Variants in PPM1H observed in about 807,000 individuals in gnomAD.
PPM1H encodes protein phosphatase 1H.
A neutral mutation model predicts 54.9 loss-of-function variants in PPM1H; 27 were observed. That is an observed-to-expected ratio of 0.49 (90% CI 0.36 to 0.68). PPM1H has a LOEUF of 0.68. PPM1H is among the 30% of genes least tolerant of loss of function. PPM1H has a pLI of 0.00. For synonymous variants in PPM1H, 305 were observed against 270.8 expected, an observed-to-expected ratio of 1.13 and a Z score of -1.24; for missense variants, 596 against 667.8, an observed-to-expected ratio of 0.89 and a Z score of 1.19.
intron 4 of PPM1H, among the ~76,000 whole-genome samples, chr12:62,750,979 C>G (rs2076439553): frequency 6.6e-6 from 1 of 152,236 alleles, no homozygotes; most frequent in South Asian, 2.1e-4. Context: ...TTCCCCAGCA[C>G]AAATGTATAC....
chr12:62,801,897 G>C lies in PPM1H; in HGVS notation c.675C>G (p.Pro225=). ...GVGAPGSPST[P]PTRFFTEKKI... Reference sequence around the variant, plus strand: ...TCTTCTCGGTAAAGAAGCGTGTGGGGGGCGTGCTGGGGGAGCCCGGGGCCC... The same window carrying C: ...TCTTCTCGGTAAAGAAGCGTGTGGGCGGCGTGCTGGGGGAGCCCGGGGCCC... The change falls in exon 3 of 10, where the codon CCC becomes CCG. Residue 225 remains proline (P), a synonymous_variant. Coordinates refer to ENST00000228705, the MANE Select transcript of PPM1H (RefSeq NM_020700.2). 1 of 1,613,788 alleles carries C rather than the reference G, an allele frequency of 6.2e-7. No homozygotes were observed. The highest frequency in any genetic ancestry group is 1.1e-5 in the South Asian group (1 of 91,090).
intron 1 of PPM1H, among the ~76,000 whole-genome samples, chr12:62,850,537 A>C (rs1015129653): frequency 6.6e-6 from 1 of 151,498 alleles, no homozygotes; most frequent in African/African-American, 2.4e-5. Flanking sequence ...AAAAATCTAA[A>C]GAGGAAAACT....
intron 1 of PPM1H, among the ~76,000 whole-genome samples, chr12:62,902,437 T>G (rs139149367): frequency 2.7e-4 from 41 of 152,228 alleles, no homozygotes; most frequent in Non-Finnish European, 4.7e-4. Context: ...TTAAAACAGT[T>G]TACAAAGTTG....
intron 1 of PPM1H, among the ~76,000 whole-genome samples, chr12:62,890,862 C>A (rs1008389222): frequency 1.3e-5 from 2 of 152,038 alleles, no homozygotes; most frequent in Non-Finnish European, 2.9e-5. Context: ...GTAACCCCAG[C>A]ACTTTGGGAG....
At chr12:62,768,719 G>A (rs952158732) in intron 4 of PPM1H, among the ~76,000 whole-genome samples, 9 of 152,054 alleles carry the variant, frequency 5.9e-5, no homozygotes, top group South Asian at 2.1e-4. Context: ...CTTTGAGTAT[G>A]TTTGCAGGCA....
At chr12:62,922,525 C>A (rs771677739) in intron 1 of PPM1H, among the ~76,000 whole-genome samples, 8 of 152,070 alleles carry the variant, frequency 5.3e-5, no homozygotes, top group Non-Finnish European at 1.0e-4. Flanking sequence ...TAATAATCAT[C>A]CAGAGCTACA....
At position 62,804,666 on chromosome 12, in the gene PPM1H, C is replaced by CTTTTTTTTTTTTT. The variant is rs1162966258; in HGVS notation, c.412-2507_412-2506insAAAAAAAAAAAAA. On this transcript the variant is annotated intron_variant, in intron 2 of 9. Coordinates refer to ENST00000228705, the MANE Select transcript of PPM1H (RefSeq NM_020700.2). Reference sequence around the variant, plus strand: ...TTTAATGCTTCATTTTGGTTAATTTCTTTTTTTTTCTTTTTTTTTTTTTTT... The same window carrying CTTTTTTTTTTTTT: ...TTTAATGCTTCATTTTGGTTAATTTCTTTTTTTTTTTTTTTTTTTTTTCTTTTTTTTTTTTTTT... Among the ~76,000 whole-genome samples, 2 of 134,282 alleles carry CTTTTTTTTTTTTT rather than the reference C, an allele frequency of 1.5e-5. 1 individual carries two copies. The highest frequency in any genetic ancestry group is 5.9e-5 in the African/African-American group (2 of 34,030). 88.1% of individuals were successfully genotyped at this position (134,282 alleles called of 152,430 possible).
In PPM1H at chr12:62,646,308, A is replaced by C. The variant is rs1225538731; in HGVS notation, c.*2181T>G. ...TGAGTAGAAGGTAGTTGTGACATCT[A>C]CACCCAAATTCTTACTCTGGTGGCT... is the stretch of plus-strand genomic sequence containing the variant. On this transcript the variant is annotated 3_prime_UTR_variant, in exon 10 of 10. Coordinates refer to ENST00000228705, the MANE Select transcript of PPM1H (RefSeq NM_020700.2). 1 of 152,202 alleles carries C rather than the reference A, an allele frequency of 6.6e-6. No individual in the cohort carries two copies. Among genetic ancestry groups the C allele is most frequent in the Non-Finnish European group, 1.5e-5 (1 of 68,038 alleles). The allele number at this position is 152,202 out of a possible 1,614,324, so 9.4% of individuals were successfully genotyped here. A position where few individuals can be genotyped will look rare whatever the true frequency, so the allele number is the denominator to read the frequency against.
chr12:62,856,500 T>C (rs914904958), intron 1 of PPM1H, among the ~76,000 whole-genome samples: 1 of 152,206 alleles, frequency 6.6e-6, no homozygotes. Flanking sequence ...GTACATCCAA[T>C]GTATTACTGT....
At chr12:62,860,742 T>C (rs900326862) in intron 1 of PPM1H, among the ~76,000 whole-genome samples, 1 of 152,204 alleles carries the variant, frequency 6.6e-6, no homozygotes, top group African/African-American at 2.4e-5. Context: ...ACAACATCAC[T>C]ATAACCTCTG....
At chr12:62,760,365 A>C (rs1180906460) in intron 4 of PPM1H, among the ~76,000 whole-genome samples, 1 of 151,832 alleles carries the variant, frequency 6.6e-6, no homozygotes, top group African/African-American at 2.4e-5. Flanking sequence ...AGTCTTGTGA[A>C]TCTTCCCTTT....
At position 62,900,520 on chromosome 12, in the gene PPM1H, G is replaced by A. The variant is rs1426039517; in HGVS notation, c.245+33972C>T. On this transcript the variant is annotated intron_variant, in intron 1 of 9. Transcript: ENST00000228705. The stretch of plus-strand genomic sequence containing the variant: ...CTGCACATTGTGCACATGTACCCTA[G>A]AACTTAAAATGTAATAATAATAATA... 3.6e-4 allele frequency among the ~76,000 whole-genome samples: 46 copies of A among 128,624 alleles called. 1 individual carries two copies. The highest frequency in any genetic ancestry group is 2.7e-3 in the Admixed American group (33 of 12,438). The allele number at this position is 128,624 out of a possible 152,430, so 84.4% of individuals were successfully genotyped here.
chr12:62,843,981 C>T (rs1429136559), intron 1 of PPM1H, among the ~76,000 whole-genome samples: 1 of 152,156 alleles, frequency 6.6e-6, no homozygotes, highest in Non-Finnish European at 1.5e-5. Context: ...TAATTTAGCC[C>T]TTGAGGTCTC....
At chr12:62,728,726 T>A (rs750210930) in intron 5 of PPM1H, among the ~76,000 whole-genome samples, 5 of 151,804 alleles carry the variant, frequency 3.3e-5, no homozygotes, top group Non-Finnish European at 7.4e-5. Flanking sequence ...TTCGAGCACC[T>A]CAGCAGGGCA....
chr12:62,669,113 G>T (rs1267870140), intron 8 of PPM1H, among the ~76,000 whole-genome samples: 1 of 152,366 alleles, frequency 6.6e-6, no homozygotes, highest in East Asian at 1.9e-4. Flanking sequence ...TTTCCAAAAG[G>T]CATGCTCACT....
At chr12:62,923,652 T>G (rs1313743373) in intron 1 of PPM1H, among the ~76,000 whole-genome samples, 2 of 152,206 alleles carry the variant, frequency 1.3e-5, no homozygotes, top group East Asian at 3.9e-4. Flanking sequence ...TTCGCCCACC[T>G]CGGTCTCCCA....
chr12:62,673,459 T>G (rs575754027), intron 8 of PPM1H, among the ~76,000 whole-genome samples: 6 of 152,284 alleles, frequency 3.9e-5, no homozygotes, highest in Non-Finnish European at 8.8e-5. Flanking sequence ...TAAAGCTACT[T>G]TTAAAAAGAA....
At chr12:62,910,753 T>G (rs1274226858) in intron 1 of PPM1H, among the ~76,000 whole-genome samples, 1 of 152,140 alleles carries the variant, frequency 6.6e-6, no homozygotes, top group African/African-American at 2.4e-5. Flanking sequence ...CATTAACAAC[T>G]GTTATCTCCC....
rs1385398910 is a variant in PPM1H, at chr12:62,691,734, G to A, written c.1138-1928C>T. On this transcript the variant is annotated intron_variant, in intron 7 of 9. Coordinates refer to ENST00000228705, the MANE Select transcript of PPM1H (RefSeq NM_020700.2). ...GCTACTCAGGAGGCTGAAGTGGGAGGATCACCTGATCCTGGGATGTCGAGC... is the reference window on the plus strand; with the variant it reads ...GCTACTCAGGAGGCTGAAGTGGGAGAATCACCTGATCCTGGGATGTCGAGC... Among the ~76,000 whole-genome samples, 5 of 150,758 alleles carry A rather than the reference G, an allele frequency of 3.3e-5. No homozygotes were observed. In the East Asian group the frequency reaches 9.8e-4, roughly 30 times the overall value.
Sources: allele counts gnomAD v4.1 joint callset (sites outside exome capture counted in the v4.1 genomes callset), GRCh38; gene constraint gnomAD v4.1.1; transcripts MANE v1.5; gene names NCBI Gene and HGNC (gene_info 2026-07-23, HGNC 2026-07-21).